The following SEMA3E variants were observed in gnomAD, a reference collection of about 807,000 sequenced individuals.
The protein encoded by SEMA3E is semaphorin-3E.
In SEMA3E, 49 loss-of-function variants were observed where a neutral mutation model predicts 93.6. That is an observed-to-expected ratio of 0.52 (90% CI 0.42 to 0.66). The LOEUF (loss-of-function observed/expected upper bound fraction) is 0.66, where lower values mean the gene tolerates loss of function less well. Among genes scored for constraint, SEMA3E ranks in the 30% least tolerant of loss-of-function variants. The pLI is 0.00. For synonymous variants in SEMA3E, 363 were observed against 330.7 expected (o/e 1.10, Z -1.06); for missense variants, 906 against 964.8 (o/e 0.94, Z 0.81).
intron 11 of SEMA3E, among the ~76,000 whole-genome samples, chr7:83,397,373 G>A (rs1016759321): frequency 1.3e-5 from 2 of 152,016 alleles, no homozygotes; most frequent in Non-Finnish European, 2.9e-5. Context: ...GATGCATGAC[G>A]CAAGAAAATT....
intron 1 of SEMA3E, among the ~76,000 whole-genome samples, chr7:83,515,920 G>A (rs1225277438): frequency 6.6e-6 from 1 of 152,104 alleles, no homozygotes; most frequent in African/African-American, 2.4e-5. Context: ...CCAGCTACTT[G>A]GGAGGCTGAG....
intron 1 of SEMA3E, among the ~76,000 whole-genome samples, chr7:83,527,861 C>T (rs1028410530): frequency 4.6e-5 from 7 of 151,830 alleles, no homozygotes; most frequent in African/African-American, 1.2e-4. Context: ...AATATTTACA[C>T]AGTGATTATA....
At position 83,416,610 on chromosome 7, in the gene SEMA3E, A is replaced by C. The variant is rs142263544; in HGVS notation, c.550+1780T>G. 1.7e-3 allele frequency among the ~76,000 whole-genome samples: 259 copies of C among 152,228 alleles called. 2 individuals are homozygous for C. The highest frequency in any genetic ancestry group is 6.0e-3 in the African/African-American group (251 of 41,572). ...TTCCAATTCCCTTTTTATGATTCTT[A>C]TGAATAATATTCCAAAATTAATTTT... On this transcript the variant is annotated intron_variant, in intron 5 of 16. Transcript: ENST00000643230.
In SEMA3E at chr7:83,416,289, C is replaced by T. The variant is rs1287660785; in HGVS notation, c.550+2101G>A. ...TGATTTGATTTCTCTTCGAAATAAG[C>T]GAAACAGCCACCCAGATGGCAAGCA... On this transcript the variant is annotated intron_variant, in intron 5 of 16. Coordinates refer to ENST00000643230, the MANE Select transcript of SEMA3E (RefSeq NM_012431.3). 2.6e-5 allele frequency among the ~76,000 whole-genome samples: 4 copies of T among 152,092 alleles called. No homozygotes were observed. In the East Asian group the frequency reaches 5.8e-4, roughly 22 times the overall value.
At chr7:83,477,824 T>C (rs958866001) in intron 2 of SEMA3E, among the ~76,000 whole-genome samples, 5 of 151,970 alleles carry the variant, frequency 3.3e-5, no homozygotes, top group Non-Finnish European at 7.4e-5. Flanking sequence ...TTTGATACAA[T>C]AAAGTTGAAT....
rs573296135 is a variant in SEMA3E, at chr7:83,365,824, C to T, written c.*1762G>A. On this transcript the variant is annotated 3_prime_UTR_variant, in exon 17 of 17. Coordinates refer to ENST00000643230, the MANE Select transcript of SEMA3E (RefSeq NM_012431.3). ...TTGTTCAGACATAAACTTTGTAAGG[C>T]CCCTGTGATCTGTGTTTGTGGTTCT... is the stretch of plus-strand genomic sequence containing the variant. The T allele has an allele frequency of 6.6e-6, 1 of 152,238 alleles. No individual in the cohort carries two copies. Among genetic ancestry groups the T allele is most frequent in the Non-Finnish European group, 1.5e-5 (1 of 67,988 alleles). The allele number at this position is 152,238 out of a possible 1,614,324, so 9.4% of individuals were successfully genotyped here.
intron 1 of SEMA3E, among the ~76,000 whole-genome samples, chr7:83,551,400 T>A (rs2115801717): frequency 6.6e-6 from 1 of 152,232 alleles, no homozygotes; most frequent in Non-Finnish European, 1.5e-5. Context: ...TAGATGATAA[T>A]ACTGCTATTA....
chr7:83,464,146 G>A (rs1447192427), intron 4 of SEMA3E, among the ~76,000 whole-genome samples: 3 of 151,708 alleles, frequency 2.0e-5, no homozygotes, highest in African/African-American at 7.3e-5. Context: ...TATCCCTTAC[G>A]GTCCTCCGTC....
chr7:83,438,431 G>C (rs1239316944), intron 4 of SEMA3E, among the ~76,000 whole-genome samples: 1 of 152,034 alleles, frequency 6.6e-6, no homozygotes, highest in African/African-American at 2.4e-5. Flanking sequence ...TTGACATCAT[G>C]GTCTAGATAT....
intron 2 of SEMA3E, among the ~76,000 whole-genome samples, chr7:83,485,398 G>A (rs1342242498): frequency 1.3e-5 from 2 of 152,082 alleles, no homozygotes; most frequent in Non-Finnish European, 2.9e-5. Flanking sequence ...AAGGGATTTA[G>A]GAACTTGCCC....
chr7:83,533,536 C>A (rs541965660), intron 1 of SEMA3E, among the ~76,000 whole-genome samples: 3 of 150,918 alleles, frequency 2.0e-5, no homozygotes, highest in Non-Finnish European at 4.4e-5. Context: ...AGAGTGAGAC[C>A]GTTTCTCAAT....
intron 5 of SEMA3E, among the ~76,000 whole-genome samples, chr7:83,411,316 T>C (rs974940238): frequency 2.6e-5 from 4 of 152,040 alleles, no homozygotes; most frequent in East Asian, 1.9e-4. Flanking sequence ...GCAATTCCCA[T>C]AACACAATAT....
At position 83,408,367 on chromosome 7, in the gene SEMA3E, C is replaced by T; in HGVS notation, c.670+1G>A. Reference sequence around the variant, plus strand: ...TCACATACTCTTTTCCTCATCCTTACCTTTCAACAGACGCTCATCGTCATG... The same window carrying T: ...TCACATACTCTTTTCCTCATCCTTATCTTTCAACAGACGCTCATCGTCATG... On this transcript the variant is annotated splice_donor_variant, in intron 6 of 16. Coordinates refer to ENST00000643230, the MANE Select transcript of SEMA3E (RefSeq NM_012431.3). LOFTEE classifies it high-confidence loss of function. 1.2e-6 allele frequency: 2 copies of T among 1,613,678 alleles called. No individual in the cohort carries two copies. The highest frequency in any genetic ancestry group is 1.7e-6 in the Non-Finnish European group (2 of 1,179,768).
chr7:83,515,631 T>C (rs898675054), intron 1 of SEMA3E, among the ~76,000 whole-genome samples: 1 of 152,228 alleles, frequency 6.6e-6, no homozygotes, highest in Non-Finnish European at 1.5e-5. Context: ...TTATCCGGAA[T>C]CTTCCAGATA....
chr7:83,408,237 G>T lies in SEMA3E; in HGVS notation c.670+131C>A, dbSNP rs1163690825. 5.2e-6 allele frequency: 5 copies of T among 969,378 alleles called. No individual in the cohort carries two copies. In the African/African-American group the frequency reaches 6.5e-5, roughly 13 times the overall value. 60.0% of individuals were successfully genotyped at this position (969,378 alleles called of 1,614,324 possible). On this transcript the variant is annotated intron_variant, in intron 6 of 16. Transcript: ENST00000643230. ...TACAATATTTTAATTCAAGAATGTT[G>T]CTAGTAAAACATTCTGAAATTTGTA... is the stretch of plus-strand genomic sequence containing the variant.
At chr7:83,447,847 G>A (rs114039123) in intron 4 of SEMA3E, among the ~76,000 whole-genome samples, 211 of 152,282 alleles carry the variant, frequency 1.4e-3, no homozygotes, top group African/African-American at 5.0e-3. Flanking sequence ...ATTTCTGTTT[G>A]AGGCTCATAT....
rs932754809 is a variant in SEMA3E at position 83,440,495 on chromosome 7, C to T, written c.457-22012G>A. Among the ~76,000 whole-genome samples the T allele has an allele frequency of 4.6e-5, 7 of 151,964 alleles. No homozygotes were observed. The South Asian group carries it at 1.2e-3, about 27-fold the overall frequency. On this transcript the variant is annotated intron_variant, in intron 4 of 16. Coordinates refer to ENST00000643230, the MANE Select transcript of SEMA3E (RefSeq NM_012431.3). ...CTACATCCTCATAGGATAATTTTAT[C>T]CTCATTTTATAAATAAACTTTCTTA...
chr7:83,580,782 G>T (rs930375608), intron 1 of SEMA3E, among the ~76,000 whole-genome samples: 6 of 151,774 alleles, frequency 4.0e-5, no homozygotes, highest in African/African-American at 1.2e-4. Context: ...GGTAGATAGG[G>T]TCTATATTAT....
chr7:83,391,628 A>G (rs1788020698), intron 14 of SEMA3E, among the ~76,000 whole-genome samples: 1 of 152,056 alleles, frequency 6.6e-6, no homozygotes, highest in African/African-American at 2.4e-5. Flanking sequence ...CTGGAGTGTT[A>G]ATTTTGCTCA....
Sources: gnomAD v4.1 joint callset for allele counts (sites outside exome capture counted in the v4.1 genomes callset) on GRCh38, gnomAD v4.1.1 for gene constraint, MANE v1.5 for transcripts, NCBI Gene and HGNC (gene_info 2026-07-23, HGNC 2026-07-21) for gene names.